Variants in ABCA1 observed in about 807,000 individuals in gnomAD.
ABCA1 encodes the protein ATP binding cassette subfamily A member 1, also known as phospholipid-transporting ATPase ABCA1.
ABCA1 carries 133 observed loss-of-function variants against 262.5 expected under a neutral mutation model. The observed-to-expected ratio is 0.51, with a 90% CI of 0.44 to 0.59. The LOEUF is 0.59. Among genes scored for constraint, ABCA1 ranks in the 20% least tolerant of loss-of-function variants. The probability of loss-of-function intolerance (pLI) is 0.00; values close to 1 mark genes in which losing one functional copy is unlikely to be tolerated. For synonymous variants in ABCA1, 1,022 were observed against 1,043.5 expected (o/e 0.98, Z 0.40); for missense variants, 2,452 against 2,777.5 (o/e 0.88, Z 2.63).
chr9:104,823,250 A>G (rs1241981462), intron 18 of ABCA1, among the ~76,000 whole-genome samples: 1 of 152,216 alleles, frequency 6.6e-6, no homozygotes, highest in Non-Finnish European at 1.5e-5. Context: ...TGACAATGAG[A>G]TATTTCTGCA....
At chr9:104,804,745 T>C in intron 31 of ABCA1, 25 bp from the exon 32 acceptor site, 2 of 1,571,598 alleles carry the variant, frequency 1.3e-6, no homozygotes, top group South Asian at 2.2e-5. Flanking sequence ...AAACCAAGCA[T>C]ACGGGTCTTT....
intron 2 of ABCA1, chr9:104,889,428 C>T: frequency 2.1e-6 from 2 of 945,528 alleles, no homozygotes; most frequent in African/African-American, 1.8e-5. Context: ...TCCTATCGTG[C>T]TTTATCTGGT....
intron 3 of ABCA1, among the ~76,000 whole-genome samples, chr9:104,888,073 G>GTGTGTGTGTGTA (rs942066291): frequency 0.028 from 4,309 of 151,708 alleles, 198 homozygotes; most frequent in African/African-American, 0.1. Context: ...GTGTGTGTGT[G>GTGTGTGTGTGTA]TGTGTGTGTG....
At position 104,809,490 on chromosome 9, in the gene ABCA1, C is replaced by A. The variant is rs116034780; in HGVS notation, c.4250G>T (p.Arg1417Leu). The A allele has an allele frequency of 6.2e-7, 1 of 1,614,032 alleles. No individual in the cohort carries two copies. The highest frequency in any genetic ancestry group is 1.3e-5 in the African/African-American group (1 of 74,914). ...CGGGATTGGGTTTCCTTCCATACAGCGGGTCCCGAAGCCAGGGTCTTTGGT... is the reference window on the plus strand; with the variant it reads ...CGGGATTGGGTTTCCTTCCATACAGAGGGTCCCGAAGCCAGGGTCTTTGGT... ...ALTKDPGFGT[R>L]CMEGNPIPDT... The change falls in exon 30 of 50, where the codon CGC (arginine) becomes CTC (leucine). Residue 1417 changes from arginine (R) to leucine (L), a missense_variant. Transcript: ENST00000374736.
chr9:104,809,211 T>C (rs963846651), intron 30 of ABCA1, among the ~76,000 whole-genome samples: 1 of 152,246 alleles, frequency 6.6e-6, no homozygotes, highest in African/African-American at 2.4e-5. Context: ...TTAAATTAAA[T>C]ATTAAGGTTC....
rs1355669122 is a variant in ABCA1 at position 104,791,418 on chromosome 9, G to T, written c.5821-390C>A. 3.3e-5 allele frequency among the ~76,000 whole-genome samples: 5 copies of T among 152,180 alleles called. No homozygotes were observed. In the East Asian group the frequency reaches 9.6e-4, roughly 29 times the overall value. The stretch of plus-strand genomic sequence containing the variant: ...CATCCCAAATGGATCACAAAAGCAT[G>T]TTTTAGATGTGCGTGCTTTTTCTGT... On this transcript the variant is annotated intron_variant, in intron 43 of 49. Coordinates refer to ENST00000374736, the MANE Select transcript of ABCA1 (RefSeq NM_005502.4).
At chr9:104,823,158 G>A (rs150411339) in intron 18 of ABCA1, among the ~76,000 whole-genome samples, 96 of 152,248 alleles carry the variant, frequency 6.3e-4, no homozygotes, top group African/African-American at 2.1e-3. Context: ...AACGAGGAAC[G>A]CATTAGTGGT....
At chr9:104,926,436 G>A (rs62568210) in intron 1 of ABCA1, among the ~76,000 whole-genome samples, 5,957 of 139,970 alleles carry the variant, frequency 0.043, 177 homozygotes, top group Non-Finnish European at 0.063. Context: ...CTGGGAGTTG[G>A]CAAACACGCT....
At chr9:104,856,030 GC>G in intron 7 of ABCA1, 1 of 1,612,558 alleles carries the variant, frequency 6.2e-7, no homozygotes, top group Non-Finnish European at 8.5e-7. Flanking sequence ...TGCTGCTACT[GC>G]TGCACTTCTT....
At chr9:104,825,531 C>A (rs1832740579) in intron 17 of ABCA1, 152 bp downstream of exon 17, 2 of 765,950 alleles carry the variant, frequency 2.6e-6, no homozygotes, top group Non-Finnish European at 4.6e-6. Flanking sequence ...GTACTTTCAG[C>A]ATCAGCTGCC....
chr9:104,836,185 T>C (rs1411418094), intron 11 of ABCA1, among the ~76,000 whole-genome samples: 2 of 152,172 alleles, frequency 1.3e-5, no homozygotes, highest in African/African-American at 4.8e-5. Context: ...CAGGGAATAG[T>C]CCTAAACTTC....
chr9:104,787,042 T>A, intron 46 of ABCA1, 66 bp from the exon 47 acceptor site: 3 of 1,436,644 alleles, frequency 2.1e-6, no homozygotes, highest in Non-Finnish European at 2.9e-6. Context: ...AATTTGTTTT[T>A]AAATGCAGAA....
At chr9:104,920,681 T>G (rs1842097600) in intron 1 of ABCA1, among the ~76,000 whole-genome samples, 2 of 152,114 alleles carry the variant, frequency 1.3e-5, no homozygotes, top group South Asian at 4.1e-4. Flanking sequence ...CCAGCTAATT[T>G]TTGTATTTTT....
rs1831521893 is a variant in ABCA1 at position 104,814,164 on chromosome 9, G to A, written c.3855C>T (p.Phe1285=). 6.2e-7 allele frequency: 1 copy of A among 1,614,190 alleles called. No homozygotes were observed. The highest frequency in any genetic ancestry group is 1.3e-5 in the African/African-American group (1 of 75,046). The change falls in exon 27 of 50, where the codon TTC becomes TTT. Residue 1285 remains phenylalanine, a synonymous_variant. Transcript: ENST00000374736. ...FGDKQSCLRP[F]TEDDAADPND... The stretch of plus-strand genomic sequence containing the variant: ...TTGGATCAGCAGCATCATCTTCAGT[G>A]AACGGGCGAAGACAGCTCTGCTTGT...
chr9:104,804,761 C>G (rs1209207125), intron 31 of ABCA1, 41 bp from the exon 32 acceptor site: 8 of 1,533,028 alleles, frequency 5.2e-6, no homozygotes, highest in Non-Finnish European at 7.2e-6. Flanking sequence ...TCTTTATAGA[C>G]AAGAATTGAA....
intron 17 of ABCA1, 84 bp downstream of exon 17, chr9:104,825,599 C>G: frequency 7.1e-7 from 1 of 1,405,646 alleles, no homozygotes; most frequent in Non-Finnish European, 1.0e-6. Context: ...CCCAGGGAAG[C>G]CCATGCACTG....
At chr9:104,874,774 AGGTGGGGGGC>A (rs1837963301) in intron 5 of ABCA1, among the ~76,000 whole-genome samples, 1 of 143,636 alleles carries the variant, frequency 7.0e-6, no homozygotes, top group African/African-American at 2.6e-5. Context: ...TCCGGGAGGG[AGGTGGGGGGC>A]AGCCCCCGCC....
intron 1 of ABCA1, among the ~76,000 whole-genome samples, chr9:104,926,483 AC>A (rs75070349): frequency 0.074 from 10,937 of 148,006 alleles, 681 homozygotes; most frequent in Admixed American, 0.18. Context: ...AAAAAAAAAA[AC>A]AAAACGGGCT....
In ABCA1 at chr9:104,817,471, C is replaced by T. The variant is rs1467216617; in HGVS notation, c.3463-67G>A. 5.9e-6 allele frequency: 9 copies of T among 1,537,844 alleles called. No individual in the cohort carries two copies. The highest frequency in any genetic ancestry group is 8.1e-6 in the Non-Finnish European group (9 of 1,113,150). On this transcript the variant is annotated intron_variant, in intron 23 of 49. Coordinates refer to ENST00000374736, the MANE Select transcript of ABCA1 (RefSeq NM_005502.4). The surrounding 1 kb of genome is among the most constrained non-coding windows in gnomAD (Gnocchi z 4.7). Reference sequence around the variant, plus strand: ...CAAGGCAGAGCCACCAGCACCTTCGCCGGGGAGGGCTTCCAAGAAGCTCTG... The same window carrying T: ...CAAGGCAGAGCCACCAGCACCTTCGTCGGGGAGGGCTTCCAAGAAGCTCTG...
Sources: gnomAD v4.1 joint callset for allele counts (sites outside exome capture counted in the v4.1 genomes callset) on GRCh38, gnomAD v4.1.1 for gene constraint, Gnocchi (gnomAD v3.1) non-coding constraint, MANE v1.5 for transcripts, NCBI Gene and HGNC (gene_info 2026-07-23, HGNC 2026-07-21) for gene names.